Variants in CCDC50 observed in about 807,000 individuals in gnomAD.
CCDC50 encodes coiled-coil domain-containing protein 50.
In CCDC50, 54 loss-of-function variants were observed where a neutral mutation model predicts 70.2. That is an observed-to-expected ratio of 0.77 (90% CI 0.62 to 0.96). The LOEUF (loss-of-function observed/expected upper bound fraction) is 0.96. CCDC50 is among the 50% of genes least tolerant of loss of function. CCDC50 has a pLI of 0.00. For synonymous variants in CCDC50, 216 were observed against 198.8 expected (o/e 1.09, Z -0.73); for missense variants, 558 against 578.7 (o/e 0.96, Z 0.37).
intron 11 of CCDC50, among the ~76,000 whole-genome samples, chr3:191,390,165 T>G (rs370803205): frequency 2.0e-5 from 3 of 152,120 alleles, no homozygotes; most frequent in Non-Finnish European, 4.4e-5. Flanking sequence ...ATCAGATTCT[T>G]AAAAGGTGGT....
At chr3:191,351,655 C>T (rs1411228786) in intron 1 of CCDC50, among the ~76,000 whole-genome samples, 1 of 140,648 alleles carries the variant, frequency 7.1e-6, no homozygotes, top group African/African-American at 2.5e-5. Context: ...GAAGCAAATG[C>T]AAGAAGAGAA....
intron 1 of CCDC50, among the ~76,000 whole-genome samples, chr3:191,351,757 C>T (rs1712113948): frequency 7.1e-6 from 1 of 140,748 alleles, no homozygotes; most frequent in South Asian, 2.2e-4. Flanking sequence ...AAGTTGTATA[C>T]CAGGAAGCCT....
At chr3:191,352,316 A>C (rs1464301554) in intron 1 of CCDC50, among the ~76,000 whole-genome samples, 1 of 141,874 alleles carries the variant, frequency 7.0e-6, no homozygotes, top group African/African-American at 2.5e-5. Flanking sequence ...GGAGATCAAC[A>C]ACTCAATGAA....
Position 191,370,023 on chromosome 3 carries a change from T to C in CCDC50, c.435T>C (p.Tyr145=). Residue 145 remains tyrosine (Y), a synonymous_variant, in exon 5 of 12, where the codon TAT becomes TAC. Coordinates refer to ENST00000392455, the MANE Select transcript of CCDC50 (RefSeq NM_178335.3). ...PATRAYADSY[Y]YEDGDQPGSR... ...CCCGTGCTTATGCAGATAGTTACTA[T>C]TATGAAGATGGAGGTAACAATTCCT... 3 of 1,602,104 alleles carry C rather than the reference T, an allele frequency of 1.9e-6. No homozygotes were observed. Among genetic ancestry groups the C allele is most frequent in the South Asian group, 2.2e-5 (2 of 90,796 alleles).
At chr3:191,380,135 T>G in intron 6 of CCDC50, 24 bp from the exon 7 acceptor site, 5 of 1,342,596 alleles carry the variant, frequency 3.7e-6, no homozygotes, top group Non-Finnish European at 3.1e-6. Context: ...TTTTATTACA[T>G]TGAGTTTTTT....
chr3:191,353,758 A>G lies in CCDC50; in HGVS notation c.50-3330A>G, dbSNP rs1305942795. 2.1e-5 allele frequency among the ~76,000 whole-genome samples: 3 copies of G among 139,546 alleles called. 1 individual carries two copies. The highest frequency in any genetic ancestry group is 7.6e-5 in the African/African-American group (3 of 39,292). 91.5% of individuals were successfully genotyped at this position (139,546 alleles called of 152,430 possible). A position where few individuals can be genotyped will look rare whatever the true frequency, so the allele number is the denominator to read the frequency against. On this transcript the variant is annotated intron_variant, in intron 1 of 11. Coordinates refer to ENST00000392455, the MANE Select transcript of CCDC50 (RefSeq NM_178335.3). ...AATATTTCAGTATAAATGAGATTAT[A>G]TGTTTGGAAACTCCTAGTAACCTCC...
chr3:191,380,012 T>A (rs1018225977), intron 6 of CCDC50, 147 bp from the exon 7 acceptor site: 2 of 619,730 alleles, frequency 3.2e-6, no homozygotes, highest in Non-Finnish European at 5.8e-6. Flanking sequence ...AAAATATTTT[T>A]AATGCACCCC....
In CCDC50 at chr3:191,361,288, C is replaced by G. The variant is rs1019184528; in HGVS notation, c.330+129C>G. ...GGAAGCAGAATGCCTCTTATTTGGG[C>G]TGCATTTTCCTCTGTGGACCATGAT... On this transcript the variant is annotated intron_variant, in intron 4 of 11. Coordinates refer to ENST00000392455, the MANE Select transcript of CCDC50 (RefSeq NM_178335.3). The G allele has an allele frequency of 2.8e-5, 20 of 707,406 alleles. No homozygotes were observed. The Admixed American group carries it at 3.7e-4, about 13-fold the overall frequency. The allele number at this position is 707,406 out of a possible 1,614,324, so 43.8% of individuals were successfully genotyped here.
At chr3:191,340,835 T>C (rs1171244264) in intron 1 of CCDC50, among the ~76,000 whole-genome samples, 1 of 152,122 alleles carries the variant, frequency 6.6e-6, no homozygotes, top group Non-Finnish European at 1.5e-5. Flanking sequence ...TGCTTCAGAT[T>C]CTATTTCTTT....
intron 1 of CCDC50, among the ~76,000 whole-genome samples, chr3:191,353,873 C>T (rs1216019472): frequency 1.1e-4 from 11 of 98,190 alleles, no homozygotes; most frequent in African/African-American, 3.5e-4. Flanking sequence ...CTTCCAGATC[C>T]CCTTCTAGCT....
chr3:191,362,153 T>A (rs1379393764), intron 4 of CCDC50, among the ~76,000 whole-genome samples: 2 of 152,288 alleles, frequency 1.3e-5, no homozygotes, highest in Middle Eastern at 6.8e-3. Context: ...TTTTTGACAG[T>A]GTTTTGCTCC....
intron 5 of CCDC50, 125 bp from the exon 6 acceptor site, chr3:191,374,937 A>G (rs1037931107): frequency 2.0e-6 from 2 of 994,532 alleles, no homozygotes; most frequent in African/African-American, 3.2e-5. Context: ...AAGTTGAAAA[A>G]GCAATTTTCT....
At chr3:191,382,923 G>T (rs1576973978) in intron 10 of CCDC50, 98 bp downstream of exon 10, 8 of 883,094 alleles carry the variant, frequency 9.1e-6, no homozygotes, top group Non-Finnish European at 1.5e-5. Flanking sequence ...TTGGAGAGGA[G>T]ATCCAAAAAT....
intron 6 of CCDC50, among the ~76,000 whole-genome samples, chr3:191,375,913 A>G (rs1713097906): frequency 1.3e-5 from 2 of 152,052 alleles, no homozygotes; most frequent in Admixed American, 1.3e-4. Flanking sequence ...CTGATACCAA[A>G]TCAAAACTCC....
In CCDC50 at chr3:191,348,424, T is replaced by G. The variant is rs765490790; in HGVS notation, c.50-8664T>G. Among the ~76,000 whole-genome samples, 20 of 142,688 alleles carry G rather than the reference T, an allele frequency of 1.4e-4. 4 individuals are homozygous for G. Among genetic ancestry groups the G allele is most frequent in the African/African-American group, 2.5e-5 (1 of 40,018 alleles). 93.6% of individuals were successfully genotyped at this position (142,688 alleles called of 152,430 possible). A position where few individuals can be genotyped will look rare whatever the true frequency, so the allele number is the denominator to read the frequency against. On this transcript the variant is annotated intron_variant, in intron 1 of 11. Coordinates refer to ENST00000392455, the MANE Select transcript of CCDC50 (RefSeq NM_178335.3). ...TATTGGTAAATATTGCTTGGTTCCT[T>G]AGTCATCTGTATAAGGTGTAGAGTG...
chr3:191,382,713 T>TA, intron 9 of CCDC50, 33 bp from the exon 10 acceptor site: 2 of 1,415,744 alleles, frequency 1.4e-6, no homozygotes, highest in East Asian at 4.6e-5. Flanking sequence ...GTGTGTGTTA[T>TA]TTTTGTTTGT....
chr3:191,379,583 T>C (rs895288346), intron 6 of CCDC50, among the ~76,000 whole-genome samples: 1 of 152,080 alleles, frequency 6.6e-6, no homozygotes, highest in Non-Finnish European at 1.5e-5. Flanking sequence ...TGATCAAAGC[T>C]GTGGGGAAGT....
chr3:191,357,891 G>C, intron 2 of CCDC50, 107 bp from the exon 3 acceptor site: 1 of 1,359,426 alleles, frequency 7.4e-7, no homozygotes, highest in Non-Finnish European at 1.1e-6. Context: ...AAAATGAAGT[G>C]ATGGATGCAA....
chr3:191,380,604 C>T, intron 7 of CCDC50, 83 bp from the exon 8 acceptor site: 1 of 1,353,236 alleles, frequency 7.4e-7, no homozygotes, highest in African/African-American at 1.4e-5. Context: ...TTTTCAAAAA[C>T]CAGCTTATTT....
Sources: allele counts gnomAD v4.1 joint callset (sites outside exome capture counted in the v4.1 genomes callset), GRCh38; gene constraint gnomAD v4.1.1; transcripts MANE v1.5; gene names NCBI Gene and HGNC (gene_info 2026-07-23, HGNC 2026-07-21).